Variants in PPP5C observed in about 807,000 individuals in gnomAD.
The protein encoded by PPP5C is serine/threonine-protein phosphatase 5.
In PPP5C, 21 loss-of-function variants were observed where a neutral mutation model predicts 66.7. The ratio of observed to expected loss-of-function variants is 0.31; its 90% CI spans 0.22 to 0.45. The LOEUF (loss-of-function observed/expected upper bound fraction) is 0.45, where lower values mean the gene tolerates loss of function less well. Among genes scored for constraint, PPP5C ranks in the 20% least tolerant of loss-of-function variants. The pLI is 1.00. For missense variants in PPP5C, 464 were observed against 675.9 expected, an observed-to-expected ratio of 0.69 and a Z score of 3.48; for synonymous variants, 246 against 257.4, an observed-to-expected ratio of 0.96 and a Z score of 0.43.
Position 46,383,482 on chromosome 19 carries a change from C to T in PPP5C, c.699+6C>T, listed in dbSNP as rs774884309. On this transcript the variant is annotated splice_donor_region_variant and intron_variant, in intron 5 of 12. Coordinates refer to ENST00000012443, the MANE Select transcript of PPP5C (RefSeq NM_006247.4). This position sits in a 1 kb window ranked among gnomAD's most constrained non-coding sequence, Gnocchi z 5.0. ...TGGAAACCACACTCAAAGAGGTGCG[C>T]GTTGTGGGGCAGTGCGGGGAGGGCC... 23 of 1,572,894 alleles carry T rather than the reference C, an allele frequency of 1.5e-5. No individual in the cohort carries two copies. The highest frequency in any genetic ancestry group is 1.0e-4 in the Admixed American group (6 of 58,686).
Position 46,376,660 on chromosome 19 carries a change from AG to A in PPP5C, c.633+88del. ...AGCCGCGGGCACTGAGCAAAACGAC[AG>A]GAGAAGGGCGGCCATGACAGCCAAC... On this transcript the variant is annotated intron_variant, in intron 4 of 12. Transcript: ENST00000012443. This position sits in a 1 kb window ranked among gnomAD's most constrained non-coding sequence, Gnocchi z 5.1. 1 of 1,546,262 alleles carries A rather than the reference AG, an allele frequency of 6.5e-7. No individual in the cohort carries two copies. Among genetic ancestry groups the A allele is most frequent in the Non-Finnish European group, 8.8e-7 (1 of 1,141,348 alleles).
rs184225610 is a variant in PPP5C, at chr19:46,358,999, C to T, written c.363+5010C>T. The stretch of plus-strand genomic sequence containing the variant: ...GGCTCAATCATTTAAAGGGGGTTTG[C>T]ATTACTCAAGGAAAAGTTTCTTTTC... On this transcript the variant is annotated intron_variant, in intron 2 of 12. Coordinates refer to ENST00000012443, the MANE Select transcript of PPP5C (RefSeq NM_006247.4). Among the ~76,000 whole-genome samples the T allele has an allele frequency of 2.7e-3, 417 of 152,238 alleles. 4 individuals carry two copies. Among genetic ancestry groups the T allele is most frequent in the African/African-American group, 9.7e-3 (402 of 41,536 alleles).
rs542883212 is a variant in PPP5C, at chr19:46,387,529, G to C, written c.1135+76G>C. ...GAGCTCTCCCCTGCAACCCAGCCCT[G>C]CCTCGGAGGATGGGCTTTGTGCCCT... On this transcript the variant is annotated intron_variant, in intron 9 of 12. Coordinates refer to ENST00000012443, the MANE Select transcript of PPP5C (RefSeq NM_006247.4). 6,929 of 1,611,584 alleles carry C rather than the reference G, an allele frequency of 4.3e-3. 103 individuals carry two copies. The highest frequency in any genetic ancestry group is 0.038 in the South Asian group (3,426 of 90,740).
chr19:46,348,565 C>T (rs1338494368), intron 1 of PPP5C, among the ~76,000 whole-genome samples: 2 of 152,114 alleles, frequency 1.3e-5, no homozygotes, highest in Non-Finnish European at 2.9e-5. Context: ...CCGCCCATCT[C>T]GGCCTCTCAA....
chr19:46,360,529 C>A (rs1972366359), intron 2 of PPP5C, among the ~76,000 whole-genome samples: 1 of 149,032 alleles, frequency 6.7e-6, no homozygotes, highest in Admixed American at 6.7e-5. Context: ...GAGACAAAGT[C>A]TCACTGTGTT....
chr19:46,352,813 C>T (rs1353713044), intron 1 of PPP5C, among the ~76,000 whole-genome samples: 3 of 124,532 alleles, frequency 2.4e-5, no homozygotes, highest in African/African-American at 9.5e-5. Context: ...GAGCGAGACT[C>T]CATCTCAAAA....
intron 9 of PPP5C, chr19:46,387,823 C>A (rs1383002297): frequency 5.2e-6 from 5 of 968,886 alleles, no homozygotes; most frequent in Non-Finnish European, 6.8e-6. Context: ...ACTGTGAGTG[C>A]TGCAGAGGAC....
At chr19:46,382,832 T>G in intron 4 of PPP5C, 1 of 1,034,658 alleles carries the variant, frequency 9.7e-7, no homozygotes, top group Non-Finnish European at 1.2e-6. Flanking sequence ...CTGGAAACAT[T>G]GACAAATATG....
At chr19:46,387,551 C>T (rs1312094187) in intron 9 of PPP5C, 98 bp downstream of exon 9, 1 of 1,599,832 alleles carries the variant, frequency 6.3e-7, no homozygotes. Flanking sequence ...GGGCTTTGTG[C>T]CCTTGGCAAG....
In PPP5C at chr19:46,380,807, G is replaced by C. The variant is rs539950691; in HGVS notation, c.634-2604G>C. On this transcript the variant is annotated intron_variant, in intron 4 of 12. Transcript: ENST00000012443. ...TTCATATCTTTGTTCTATATAGTCTGCTTTTTTCTTCACTGGTTTTAAGAT... is the reference window on the plus strand; with the variant it reads ...TTCATATCTTTGTTCTATATAGTCTCCTTTTTTCTTCACTGGTTTTAAGAT... Among the ~76,000 whole-genome samples the C allele has an allele frequency of 9.1e-4, 139 of 152,160 alleles. 1 individual carries two copies. Among genetic ancestry groups the C allele is most frequent in the African/African-American group, 3.0e-3 (126 of 41,520 alleles).
intron 2 of PPP5C, among the ~76,000 whole-genome samples, chr19:46,368,611 A>G (rs1972530997): frequency 6.6e-6 from 1 of 152,190 alleles, no homozygotes; most frequent in South Asian, 2.1e-4. Flanking sequence ...TGAACTGTAT[A>G]ACAGGGATGA....
At position 46,358,593 on chromosome 19, in the gene PPP5C, C is replaced by CAAAATT. The variant is rs1972327311; in HGVS notation, c.363+4607_363+4612dup. Among the ~76,000 whole-genome samples, 3 of 152,154 alleles carry CAAAATT rather than the reference C, an allele frequency of 2.0e-5. 1 individual carries two copies. The South Asian group carries it at 6.2e-4, about 32-fold the overall frequency. On this transcript the variant is annotated intron_variant, in intron 2 of 12. Transcript: ENST00000012443. ...GTTGTCCTAAAGGAAGAAACTGAGG[C>CAAAATT]AAAATTAATATAAGTAGAGATTTTA... is the stretch of plus-strand genomic sequence containing the variant.
intron 2 of PPP5C, among the ~76,000 whole-genome samples, chr19:46,372,905 A>G (rs1281334348): frequency 3.3e-5 from 5 of 152,226 alleles, no homozygotes; most frequent in Non-Finnish European, 5.9e-5. Flanking sequence ...CTTCCTCAGG[A>G]GCAGGAGCCC....
In PPP5C at chr19:46,390,727, G is replaced by A; in HGVS notation, c.*381G>A. ...AAGACCCCCAGAGAGAGGGTCAGCA[G>A]GGGGGCCCCGCCTGCGCCTCCCCTC... On this transcript the variant is annotated 3_prime_UTR_variant, in exon 13 of 13. Coordinates refer to ENST00000012443, the MANE Select transcript of PPP5C (RefSeq NM_006247.4). 1 of 1,145,430 alleles carries A rather than the reference G, an allele frequency of 8.7e-7. No individual in the cohort carries two copies. Among genetic ancestry groups the A allele is most frequent in the Non-Finnish European group, 1.1e-6 (1 of 921,556 alleles). 71.0% of individuals were successfully genotyped at this position (1,145,430 alleles called of 1,614,324 possible).
intron 2 of PPP5C, among the ~76,000 whole-genome samples, chr19:46,366,400 C>T (rs1026142557): frequency 1.3e-5 from 2 of 152,008 alleles, no homozygotes; most frequent in Admixed American, 1.3e-4. Context: ...GGCTAGAGTG[C>T]AGTGGCACCA....
chr19:46,349,971 G>C (rs1003949518), intron 1 of PPP5C, among the ~76,000 whole-genome samples: 1 of 149,608 alleles, frequency 6.7e-6, no homozygotes, highest in Non-Finnish European at 1.5e-5. Flanking sequence ...AGTTTGCAGG[G>C]AGTAGATTGC....
At chr19:46,359,846 C>G (rs1315805352) in intron 2 of PPP5C, among the ~76,000 whole-genome samples, 2 of 138,314 alleles carry the variant, frequency 1.4e-5, no homozygotes, top group East Asian at 4.3e-4. Context: ...ATGGCGCAAA[C>G]TCGGCTCACT....
At chr19:46,382,842 G>C (rs1466754583) in intron 4 of PPP5C, 1 of 1,040,994 alleles carries the variant, frequency 9.6e-7, no homozygotes, top group Non-Finnish European at 1.2e-6. Flanking sequence ...TGACAAATAT[G>C]CATGTCATTG....
intron 2 of PPP5C, among the ~76,000 whole-genome samples, chr19:46,361,658 G>A (rs1263009940): frequency 2.0e-5 from 3 of 149,570 alleles, no homozygotes; most frequent in Non-Finnish European, 4.4e-5. Flanking sequence ...CCACCTACTC[G>A]GGAGGCTGAG....
Sources: allele counts gnomAD v4.1 joint callset (sites outside exome capture counted in the v4.1 genomes callset), GRCh38; gene constraint gnomAD v4.1.1; non-coding constraint Gnocchi (gnomAD v3.1); transcripts MANE v1.5; gene names NCBI Gene and HGNC (gene_info 2026-07-23, HGNC 2026-07-21).